MERTK: variants seen among roughly 807,000 people sequenced by gnomAD.
The protein encoded by MERTK is tyrosine-protein kinase Mer.
A neutral mutation model predicts 99.3 loss-of-function variants in MERTK; 69 were observed. The ratio of observed to expected loss-of-function variants is 0.70; its 90% CI spans 0.57 to 0.85. The LOEUF (loss-of-function observed/expected upper bound fraction) is 0.85, where lower values mean the gene tolerates loss of function less well. Ranked by LOEUF, MERTK falls within the 40% of genes least tolerant of loss-of-function variation. The pLI is 0.00. For synonymous variants in MERTK, 426 were observed against 467.6 expected (o/e 0.91, Z 1.15); for missense variants, 1,125 against 1,249.4 (o/e 0.90, Z 1.50).
In MERTK at chr2:112,008,402, G is replaced by C. The variant is rs1487021270; in HGVS notation, c.1887G>C (p.Arg629=). The C allele has an allele frequency of 6.2e-7, 1 of 1,613,760 alleles. No individual in the cohort carries two copies. Among genetic ancestry groups the C allele is most frequent in the Admixed American group, 1.7e-5 (1 of 60,004 alleles). The change falls in exon 14 of 19, where the codon CGG becomes CGC. Residue 629 remains arginine, a synonymous_variant. Transcript: ENST00000295408. ...KTMKLDNSSQ[R]EIEEFLSEAA... The stretch of plus-strand genomic sequence containing the variant: ...CTCTAGTGGACAACTCTTCACAGCG[G>C]GAGATCGAGGAGTTTCTCAGTGAGG...
intron 1 of MERTK, among the ~76,000 whole-genome samples, chr2:111,905,283 C>G (rs145580070): frequency 1.1e-4 from 16 of 152,228 alleles, no homozygotes; most frequent in African/African-American, 2.6e-4. Context: ...CTCGGGGCCT[C>G]TGACAGGCAC....
chr2:111,947,135 T>C (rs1039281497), intron 3 of MERTK, among the ~76,000 whole-genome samples: 17 of 152,078 alleles, frequency 1.1e-4, no homozygotes, highest in African/African-American at 4.1e-4. Context: ...TAGCCAGACC[T>C]GGTGGTGTGC....
intron 15 of MERTK, among the ~76,000 whole-genome samples, chr2:112,017,268 T>C (rs1276129639): frequency 6.6e-6 from 1 of 152,086 alleles, no homozygotes; most frequent in South Asian, 2.1e-4. Flanking sequence ...AGAGCACCAA[T>C]TGATGCGTTT....
chr2:111,916,074 A>G (rs776015452), intron 1 of MERTK, among the ~76,000 whole-genome samples: 5 of 152,126 alleles, frequency 3.3e-5, no homozygotes, highest in Non-Finnish European at 7.4e-5. Flanking sequence ...TGTGTATTCT[A>G]TTGTTGGGAA....
chr2:111,940,874 C>T, intron 2 of MERTK: 1 of 750,980 alleles, frequency 1.3e-6, no homozygotes, highest in Non-Finnish European at 2.5e-6. Context: ...TCGGGCCAGT[C>T]ACTGCTGTGG....
At chr2:111,956,469 A>C (rs939591885) in intron 4 of MERTK, among the ~76,000 whole-genome samples, 6 of 152,158 alleles carry the variant, frequency 3.9e-5, no homozygotes, top group Non-Finnish European at 8.8e-5. Flanking sequence ...CACATTTTAT[A>C]TTTAAATCCA....
At position 111,944,946 on chromosome 2, in the gene MERTK, G is replaced by A. The variant is rs1684937784; in HGVS notation, c.483-14G>A. ...GTAGTCACTGTAAATATCTTCATGT[G>A]TTTTTCTTTGCAGCATAACCAGTGT... On this transcript the variant is annotated splice_polypyrimidine_tract_variant and intron_variant, in intron 2 of 18. Coordinates refer to ENST00000295408, the MANE Select transcript of MERTK (RefSeq NM_006343.3). 29 of 1,608,558 alleles carry A rather than the reference G, an allele frequency of 1.8e-5. No homozygotes were observed. In the East Asian group the frequency reaches 6.5e-4, roughly 36 times the overall value.
intron 1 of MERTK, among the ~76,000 whole-genome samples, chr2:111,900,920 G>A (rs767949890): frequency 2.0e-4 from 30 of 152,306 alleles, no homozygotes; most frequent in Middle Eastern, 3.4e-3. Context: ...CCACACAGGG[G>A]AGACAGAGAG....
At chr2:111,929,612 A>G in intron 2 of MERTK, 72 bp downstream of exon 2, 3 of 685,484 alleles carry the variant, frequency 4.4e-6, no homozygotes, top group Non-Finnish European at 6.2e-6. Flanking sequence ...ATTGAGACAG[A>G]GTATCATTCT....
intron 8 of MERTK, among the ~76,000 whole-genome samples, chr2:111,992,775 AAAG>A (rs1676653041): frequency 1.3e-5 from 2 of 151,612 alleles, no homozygotes; most frequent in Non-Finnish European, 1.5e-5. Flanking sequence ...AAGAAAGAAA[AAAG>A]AAAAAAATAA....
chr2:111,906,542 A>G (rs886433454), intron 1 of MERTK, among the ~76,000 whole-genome samples: 3 of 152,238 alleles, frequency 2.0e-5, no homozygotes, highest in Non-Finnish European at 4.4e-5. Context: ...TGTGCCGCTT[A>G]GGGAATTCTC....
chr2:112,010,038 T>C lies in MERTK; in HGVS notation c.2051T>C (p.Leu684Pro), dbSNP rs370309420. ...TACGGGGACCTGCATACTTACTTAC[T>C]TTATTCCCGATTGGAGACAGGACCA... ...MKYGDLHTYL[L>P]YSRLETGPKH... The change falls in exon 15 of 19, where the codon CTT (leucine) becomes CCT (proline). Residue 684 changes from leucine (L) to proline (P), a missense_variant. Coordinates refer to ENST00000295408, the MANE Select transcript of MERTK (RefSeq NM_006343.3). 1.2e-6 allele frequency: 2 copies of C among 1,613,044 alleles called. No individual in the cohort carries two copies. Among genetic ancestry groups the C allele is most frequent in the Non-Finnish European group, 1.7e-6 (2 of 1,179,140 alleles).
intron 8 of MERTK, among the ~76,000 whole-genome samples, chr2:111,987,556 C>T (rs1337685098): frequency 3.3e-5 from 5 of 152,132 alleles, no homozygotes; most frequent in Admixed American, 3.3e-4. Flanking sequence ...TGTGTGGGCC[C>T]AGCTACACCA....
In MERTK at chr2:111,960,515, C is replaced by T. The variant is rs528762028; in HGVS notation, c.758-4676C>T. Among the ~76,000 whole-genome samples, 5 of 149,298 alleles carry T rather than the reference C, an allele frequency of 3.3e-5. No homozygotes were observed. The South Asian group carries it at 8.6e-4, about 26-fold the overall frequency. On this transcript the variant is annotated intron_variant, in intron 4 of 18. Transcript: ENST00000295408. ...AAAAAAAAAAAAGAAAAGAAAATTC[C>T]AAATTTTGTCCAGCAAAGAAATTGC...
chr2:111,904,026 C>T (rs1418641497), intron 1 of MERTK, among the ~76,000 whole-genome samples: 1 of 151,984 alleles, frequency 6.6e-6, no homozygotes, highest in Non-Finnish European at 1.5e-5. Context: ...CCTCCGGTGT[C>T]GCCCTAGAGT....
chr2:111,976,103 A>C (rs1676241286), intron 7 of MERTK, among the ~76,000 whole-genome samples: 1 of 152,240 alleles, frequency 6.6e-6, no homozygotes, highest in African/African-American at 2.4e-5. Context: ...CCAGTTTATC[A>C]TAAAGGATAT....
At chr2:111,946,444 G>C (rs1350202072) in intron 3 of MERTK, among the ~76,000 whole-genome samples, 1 of 152,114 alleles carries the variant, frequency 6.6e-6, no homozygotes, top group African/African-American at 2.4e-5. Flanking sequence ...CAATTAGCTG[G>C]ACTCGTTATA....
At chr2:111,957,734 A>G (rs1010756351) in intron 4 of MERTK, among the ~76,000 whole-genome samples, 1 of 152,216 alleles carries the variant, frequency 6.6e-6, no homozygotes, top group Non-Finnish European at 1.5e-5. Flanking sequence ...AGTCGATGAA[A>G]GCAGAGCAGA....
In MERTK at chr2:112,026,230, C is replaced by T. The variant is rs1314351905; in HGVS notation, c.2487-2121C>T. On this transcript the variant is annotated intron_variant, in intron 18 of 18. Transcript: ENST00000295408. Reference sequence around the variant, plus strand: ...ACATGTTCACCATGTCTTTAAAAGTCATATTTATATTTTTATACATTTGAT... The same window carrying T: ...ACATGTTCACCATGTCTTTAAAAGTTATATTTATATTTTTATACATTTGAT... 4 of 153,832 alleles carry T rather than the reference C, an allele frequency of 2.6e-5. No individual in the cohort carries two copies. The East Asian group carries it at 7.7e-4, about 30-fold the overall frequency. 9.5% of individuals were successfully genotyped at this position (153,832 alleles called of 1,614,324 possible). A position where few individuals can be genotyped will look rare whatever the true frequency, so the allele number is the denominator to read the frequency against.
Sources: allele counts gnomAD v4.1 joint callset (sites outside exome capture counted in the v4.1 genomes callset), GRCh38; gene constraint gnomAD v4.1.1; transcripts MANE v1.5; gene names NCBI Gene and HGNC (gene_info 2026-07-23, HGNC 2026-07-21).